SNCAIP: variants seen among roughly 807,000 people sequenced by gnomAD.
The protein encoded by SNCAIP is synuclein alpha interacting protein, also known as synphilin-1.
SNCAIP carries 43 observed loss-of-function variants against 86.7 expected under a neutral mutation model. That is an observed-to-expected ratio of 0.50 (90% CI 0.39 to 0.64). The LOEUF is 0.64. Ranked by LOEUF, SNCAIP falls within the 30% of genes least tolerant of loss-of-function variation. The pLI, the probability that SNCAIP is intolerant of heterozygous loss-of-function variation, is 0.00. For synonymous variants in SNCAIP, 417 were observed against 427.2 expected (o/e 0.98, Z 0.29); for missense variants, 981 against 1,103.1 (o/e 0.89, Z 1.57).
At chr5:122,332,749 T>C (rs1755640235) in intron 1 of SNCAIP, among the ~76,000 whole-genome samples, 1 of 151,966 alleles carries the variant, frequency 6.6e-6, no homozygotes, top group African/African-American at 2.4e-5. Context: ...GGGATCTTGG[T>C]AAAAGTGAAG....
At chr5:122,332,904 AT>A (rs1228549619) in intron 1 of SNCAIP, among the ~76,000 whole-genome samples, 4 of 152,218 alleles carry the variant, frequency 2.6e-5, no homozygotes, top group Non-Finnish European at 5.9e-5. Flanking sequence ...TGCATTACTT[AT>A]TTCAGACTCT....
At chr5:122,321,005 C>G (rs1752811573) in intron 1 of SNCAIP, among the ~76,000 whole-genome samples, 1 of 152,114 alleles carries the variant, frequency 6.6e-6, no homozygotes, top group Non-Finnish European at 1.5e-5. Context: ...CCCCACTCAC[C>G]CTCTTGCCCT....
rs192939498 is a variant in SNCAIP, at chr5:122,375,254, T to C, written c.-46-15835T>C. Among the ~76,000 whole-genome samples the C allele has an allele frequency of 6.0e-4, 92 of 152,264 alleles. No homozygotes were observed. In the Middle Eastern group the frequency reaches 0.014, roughly 23 times the overall value. ...GGTACATTTACAAATTGGAAGAATT[T>C]ATAAAACCTTCATAATAATTTGATC... On this transcript the variant is annotated intron_variant, in intron 1 of 10. Transcript: ENST00000261368.
intron 3 of SNCAIP, among the ~76,000 whole-genome samples, chr5:122,415,173 C>T (rs1775039142): frequency 6.6e-6 from 1 of 152,216 alleles, no homozygotes; most frequent in Non-Finnish European, 1.5e-5. Flanking sequence ...CCACTTTCCG[C>T]TGTTCCTCCC....
chr5:122,370,239 G>T (rs1178866120), intron 1 of SNCAIP, among the ~76,000 whole-genome samples: 1 of 151,640 alleles, frequency 6.6e-6, no homozygotes, highest in Non-Finnish European at 1.5e-5. Context: ...AAATAGTATG[G>T]CCCACATGGA....
chr5:122,383,249 C>G (rs917989424), intron 1 of SNCAIP, among the ~76,000 whole-genome samples: 1 of 152,192 alleles, frequency 6.6e-6, no homozygotes, highest in African/African-American at 2.4e-5. Flanking sequence ...CGTGATGCGC[C>G]GTTTTTTAAG....
In SNCAIP at chr5:122,437,884, C is replaced by T. The variant is rs544528175; in HGVS notation, c.1297-2745C>T. On this transcript the variant is annotated intron_variant, in intron 6 of 10. Coordinates refer to ENST00000261368, the MANE Select transcript of SNCAIP (RefSeq NM_005460.4). Reference sequence around the variant, plus strand: ...GGTCCTAGACTCTCCCCACAGATTTCCACAATGGGAACATTCCCACTCTTA... The same window carrying T: ...GGTCCTAGACTCTCCCCACAGATTTTCACAATGGGAACATTCCCACTCTTA... Among the ~76,000 whole-genome samples the T allele has an allele frequency of 4.6e-3, 704 of 152,294 alleles. 2 individuals carry two copies. Among genetic ancestry groups the T allele is most frequent in the Middle Eastern group, 6.8e-3 (2 of 294 alleles).
chr5:122,444,529 T>C (rs1424123455), intron 7 of SNCAIP, 34 bp from the exon 8 acceptor site: 2 of 1,580,176 alleles, frequency 1.3e-6, no homozygotes, highest in African/African-American at 1.3e-5. Flanking sequence ...TGTACAGAGA[T>C]GTCCTGATAC....
chr5:122,463,741 G>T lies in SNCAIP; in HGVS notation c.*245G>T. 1 of 501,196 alleles carries T rather than the reference G, an allele frequency of 2.0e-6. No individual in the cohort carries two copies. Among genetic ancestry groups the T allele is most frequent in the Non-Finnish European group, 3.5e-6 (1 of 283,746 alleles). 31.0% of individuals were successfully genotyped at this position (501,196 alleles called of 1,614,324 possible). Reference sequence around the variant, plus strand: ...AGTAGACTGTAAAAGATTCATTTTGGGGTGATATCTGTATATATAACTTGT... The same window carrying T: ...AGTAGACTGTAAAAGATTCATTTTGTGGTGATATCTGTATATATAACTTGT... On this transcript the variant is annotated 3_prime_UTR_variant, in exon 11 of 11. Coordinates refer to ENST00000261368, the MANE Select transcript of SNCAIP (RefSeq NM_005460.4).
intron 6 of SNCAIP, among the ~76,000 whole-genome samples, chr5:122,433,232 A>G (rs895432641): frequency 2.0e-5 from 3 of 151,948 alleles, no homozygotes; most frequent in Admixed American, 6.6e-5. Context: ...GCACCACGCC[A>G]TTGGATTTTG....
intron 3 of SNCAIP, among the ~76,000 whole-genome samples, chr5:122,411,850 T>C (rs1481016100): frequency 6.6e-6 from 1 of 152,200 alleles, no homozygotes; most frequent in Admixed American, 6.5e-5. Flanking sequence ...AGCACTGACC[T>C]GGGCCACCTA....
intron 6 of SNCAIP, 70 bp downstream of exon 6, chr5:122,432,152 C>T: frequency 2.7e-6 from 2 of 742,946 alleles, no homozygotes; most frequent in Non-Finnish European, 5.0e-6. Context: ...TATTATTAGT[C>T]CATCAAAATC....
chr5:122,387,636 C>A (rs904411383), intron 1 of SNCAIP, among the ~76,000 whole-genome samples: 1 of 152,196 alleles, frequency 6.6e-6, no homozygotes, highest in Non-Finnish European at 1.5e-5. Flanking sequence ...ACGGCTTCCT[C>A]CCTTCCCCTG....
chr5:122,321,433 T>C (rs1169135839), intron 1 of SNCAIP: 2 of 152,180 alleles, frequency 1.3e-5, no homozygotes, highest in Non-Finnish European at 2.9e-5. Flanking sequence ...ACAGACTTAG[T>C]GACCACCTCC....
At chr5:122,370,942 C>T (rs1245610769) in intron 1 of SNCAIP, among the ~76,000 whole-genome samples, 2 of 151,996 alleles carry the variant, frequency 1.3e-5, no homozygotes, top group East Asian at 3.9e-4. Flanking sequence ...TTTATCATGC[C>T]AAAACTGAAT....
Position 122,391,164 on chromosome 5 carries a change from T to A in SNCAIP, c.30T>A (p.Asp10Glu). MEAPEYLDL[D>E]EIDFSDDISY... is the part of the protein sequence containing the mutation. ...AAGCCCCTGAATACCTTGATTTGGATGAAATTGACTTTAGTGATGACATAT... is the reference window on the plus strand; with the variant it reads ...AAGCCCCTGAATACCTTGATTTGGAAGAAATTGACTTTAGTGATGACATAT... The change falls in exon 2 of 11, where the codon GAT becomes GAA. Residue 10 changes from aspartate (D) to glutamate (E), a missense_variant. Coordinates refer to ENST00000261368, the MANE Select transcript of SNCAIP (RefSeq NM_005460.4). 6.2e-7 allele frequency: 1 copy of A among 1,611,398 alleles called. No homozygotes were observed. The highest frequency in any genetic ancestry group is 8.5e-7 in the Non-Finnish European group (1 of 1,177,538).
chr5:122,438,422 C>T (rs1393813742), intron 6 of SNCAIP, among the ~76,000 whole-genome samples: 2 of 152,130 alleles, frequency 1.3e-5, no homozygotes, highest in Non-Finnish European at 2.9e-5. Context: ...GGATGGTTCC[C>T]GCCCTGTGTT....
rs755437104 is a variant in SNCAIP at position 122,391,170 on chromosome 5, T to C, written c.36T>C (p.Ile12=). 16 of 1,610,776 alleles carry C rather than the reference T, an allele frequency of 9.9e-6. No homozygotes were observed. Among genetic ancestry groups the C allele is most frequent in the African/African-American group, 2.7e-5 (2 of 74,856 alleles). The change falls in exon 2 of 11, where the codon ATT becomes ATC. Residue 12 remains isoleucine (I), a synonymous_variant. Transcript: ENST00000261368. ...CTGAATACCTTGATTTGGATGAAAT[T>C]GACTTTAGTGATGACATATCTGTAA... is the stretch of plus-strand genomic sequence containing the variant. ...EAPEYLDLDE[I]DFSDDISYSV...
At chr5:122,396,282 C>T (rs965045898) in intron 2 of SNCAIP, among the ~76,000 whole-genome samples, 2 of 152,074 alleles carry the variant, frequency 1.3e-5, no homozygotes, top group African/African-American at 4.8e-5. Context: ...AGATGAGTTA[C>T]ATTTTGATAT....
Sources: allele counts gnomAD v4.1 joint callset (sites outside exome capture counted in the v4.1 genomes callset), GRCh38; gene constraint gnomAD v4.1.1; transcripts MANE v1.5; gene names NCBI Gene and HGNC (gene_info 2026-07-23, HGNC 2026-07-21).